Variants in LRGUK observed in about 807,000 individuals in gnomAD.
The protein encoded by LRGUK is leucine rich repeats and guanylate kinase domain containing.
A neutral mutation model predicts 76.0 loss-of-function variants in LRGUK; 65 were observed. That is an observed-to-expected ratio of 0.85 (90% confidence interval 0.70 to 1.05). LRGUK has a LOEUF of 1.05. Ranked by LOEUF, LRGUK falls within the 50% of genes least tolerant of loss-of-function variation. The probability of loss-of-function intolerance (pLI) is 0.00; values close to 1 mark genes in which losing one functional copy is unlikely to be tolerated. For synonymous variants in LRGUK, 268 were observed against 265.6 expected, an observed-to-expected ratio of 1.01 and a Z score of -0.09; for missense variants, 758 against 732.8, an observed-to-expected ratio of 1.03 and a Z score of -0.40.
intron 13 of LRGUK, among the ~76,000 whole-genome samples, chr7:134,198,007 T>A (rs1346383153): frequency 6.6e-6 from 1 of 152,154 alleles, no homozygotes; most frequent in Non-Finnish European, 1.5e-5. Flanking sequence ...CGATGTCAAC[T>A]CTGAATCTTT....
At chr7:134,178,799 T>A (rs1210497075) in intron 10 of LRGUK, among the ~76,000 whole-genome samples, 190 bp downstream of exon 10, 1 of 151,772 alleles carries the variant, frequency 6.6e-6, no homozygotes, top group Admixed American at 6.6e-5. Context: ...ATTATTAATA[T>A]CATGTACTTG....
exon 14 of LRGUK, chr7:134,199,269 T>C (rs1563177957): frequency 6.2e-7 from 1 of 1,613,882 alleles, no homozygotes; most frequent in Non-Finnish European, 8.5e-7. Flanking sequence ...TATATCCTGG[T>C]GGTGCCCATG....
intron 16 of LRGUK, among the ~76,000 whole-genome samples, chr7:134,226,514 T>C (rs1429299453): frequency 6.6e-6 from 1 of 152,214 alleles, no homozygotes; most frequent in Non-Finnish European, 1.5e-5. Flanking sequence ...GGTAGTCACA[T>C]ATGGCACATG....
At position 134,197,179 on chromosome 7, in the gene LRGUK, G is replaced by C. The variant is rs1800526813; in HGVS notation, c.1545+74G>C. 6 of 870,458 alleles carry C rather than the reference G, an allele frequency of 6.9e-6. No individual in the cohort carries two copies. The Admixed American group carries it at 1.1e-4, about 17-fold the overall frequency. 53.9% of individuals were successfully genotyped at this position (870,458 alleles called of 1,614,324 possible). ...GTGGTGTGTGTGTATGTGTGTGTGT[G>C]TGTGTATATATGTATAAACTTTTTA... On this transcript the variant is annotated intron_variant, in intron 13 of 15. Coordinates refer to ENST00000645682, the Ensembl canonical transcript of LRGUK.
chr7:134,131,866 C>T (rs957476881), intron 1 of LRGUK, among the ~76,000 whole-genome samples: 1 of 152,034 alleles, frequency 6.6e-6, no homozygotes, highest in African/African-American at 2.4e-5. Flanking sequence ...GAATCATCAC[C>T]ACTAGATTCT....
At chr7:134,161,555 A>C (rs1798732707) in intron 6 of LRGUK, among the ~76,000 whole-genome samples, 1 of 152,098 alleles carries the variant, frequency 6.6e-6, no homozygotes, top group African/African-American at 2.4e-5. Flanking sequence ...TAATTATATT[A>C]ATGAACACAA....
chr7:134,209,833 C>A (rs1801172394), exon 16 of LRGUK: 5 of 399,226 alleles, frequency 1.3e-5, no homozygotes, highest in African/African-American at 8.2e-5. Flanking sequence ...TCAGTCCCCC[C>A]AGCCAGGAGC....
chr7:134,264,130 T>A (rs953197073), exon 20 of LRGUK: 1 of 627,540 alleles, frequency 1.6e-6, no homozygotes, highest in African/African-American at 1.9e-5. Context: ...CAGTTTCTCT[T>A]GTGATTCTTT....
downstream of LRGUK, among the ~76,000 whole-genome samples, chr7:134,265,395 T>C (rs183085567): frequency 2.6e-5 from 4 of 152,276 alleles, no homozygotes; most frequent in Admixed American, 1.3e-4. Flanking sequence ...TCTCAGAGCC[T>C]GAGTAACAAC....
At chr7:134,154,740 A>G (rs1798386591) in intron 5 of LRGUK, among the ~76,000 whole-genome samples, 1 of 152,270 alleles carries the variant, frequency 6.6e-6, no homozygotes, top group Non-Finnish European at 1.5e-5. Flanking sequence ...GTATGATTGC[A>G]GTGAGCATCT....
intron 10 of LRGUK, among the ~76,000 whole-genome samples, chr7:134,180,290 GTCCATCCA>G (rs3030440): frequency 0.88 from 131,430 of 149,834 alleles, 57,742 homozygotes; most frequent in East Asian, 0.97. Flanking sequence ...CAATTCCTCT[GTCCATCCA>G]TCCATCCATC....
intron 15 of LRGUK, among the ~76,000 whole-genome samples, chr7:134,220,592 T>TC (rs752658007): frequency 1.3e-5 from 2 of 151,794 alleles, no homozygotes; most frequent in East Asian, 1.9e-4. Flanking sequence ...TTTTTTTTTT[T>TC]CTTTTGTCGT....
intron 16 of LRGUK, among the ~76,000 whole-genome samples, chr7:134,236,694 C>T (rs1211437855): frequency 1.3e-5 from 2 of 152,164 alleles, no homozygotes; most frequent in Non-Finnish European, 2.9e-5. Context: ...TTCCTACACC[C>T]ATAGGCGCCT....
downstream of LRGUK, among the ~76,000 whole-genome samples, chr7:134,264,748 C>CGCT (rs1802825889): frequency 6.6e-6 from 1 of 152,132 alleles, no homozygotes; most frequent in Non-Finnish European, 1.5e-5. Context: ...TAGTATGTCC[C>CGCT]AGTAGGCTAT....
At chr7:134,191,030 C>T (rs1337897132) in intron 11 of LRGUK, among the ~76,000 whole-genome samples, 1 of 98,158 alleles carries the variant, frequency 1.0e-5, no homozygotes, top group East Asian at 2.9e-4. Flanking sequence ...GCATTGGCAC[C>T]ATGGATTGCC....
chr7:134,272,197 A>G, the LRGUK span, among the ~76,000 whole-genome samples: 2 of 152,144 alleles, frequency 1.3e-5, no homozygotes, highest in Admixed American at 6.5e-5. Flanking sequence ...TCCTAGTTTA[A>G]TAGGAGTTTT....
In LRGUK at chr7:134,174,406, A is replaced by C. The variant is rs73439475; in HGVS notation, c.940-150A>C. 85,077 of 595,494 alleles carry C rather than the reference A, an allele frequency of 0.14. 9,094 individuals are homozygous for C. Among genetic ancestry groups the C allele is most frequent in the East Asian group, 0.4 (14,227 of 35,262 alleles). The allele number at this position is 595,494 out of a possible 1,614,324, so 36.9% of individuals were successfully genotyped here. A position where few individuals can be genotyped will look rare whatever the true frequency, so the allele number is the denominator to read the frequency against. ...TATGCAATAATTCCCTTGTTCTGTG[A>C]AGTTCTGTGGAATTCTCATTAAAAA... On this transcript the variant is annotated intron_variant, in intron 7 of 15. Coordinates refer to ENST00000645682, the Ensembl canonical transcript of LRGUK.
chr7:134,236,865 T>G (rs1802028687), intron 16 of LRGUK, among the ~76,000 whole-genome samples: 1 of 152,132 alleles, frequency 6.6e-6, no homozygotes, highest in African/African-American at 2.4e-5. Flanking sequence ...TTCTTACACC[T>G]ACTGTTATTA....
chr7:134,246,916 G>A (rs942856687), intron 16 of LRGUK, among the ~76,000 whole-genome samples: 8 of 152,182 alleles, frequency 5.3e-5, no homozygotes, highest in African/African-American at 1.9e-4. Flanking sequence ...ACTCCATCAG[G>A]TGATCTGTGT....
Sources: allele counts gnomAD v4.1 joint callset (sites outside exome capture counted in the v4.1 genomes callset), GRCh38; gene constraint gnomAD v4.1.1; transcripts MANE v1.5; gene names NCBI Gene and HGNC (gene_info 2026-07-23, HGNC 2026-07-21).